Variants in BRDT observed in about 807,000 individuals in gnomAD.
The protein encoded by BRDT is bromodomain testis associated.
Under a neutral mutation model 113.9 loss-of-function variants are expected in BRDT, and 77 were observed. The ratio of observed to expected loss-of-function variants is 0.68; its 90% CI spans 0.56 to 0.82. BRDT has a LOEUF of 0.82. Among genes scored for constraint, BRDT ranks in the 40% least tolerant of loss-of-function variants. The pLI, the probability that BRDT is intolerant of heterozygous loss-of-function variation, is 0.00. For synonymous variants in BRDT, 358 were observed against 366.5 expected (o/e 0.98, Z 0.26); for missense variants, 1,027 against 1,105.4 (o/e 0.93, Z 1.01).
chr1:91,972,124 A>G (rs1470488664), intron 4 of BRDT, among the ~76,000 whole-genome samples: 1 of 151,574 alleles, frequency 6.6e-6, no homozygotes, highest in Non-Finnish European at 1.5e-5. Flanking sequence ...TGTAGTCTTC[A>G]TGCTGCAAAA....
intron 1 of BRDT, among the ~76,000 whole-genome samples, chr1:91,954,059 C>G (rs989509617): frequency 2.0e-5 from 3 of 152,064 alleles, no homozygotes; most frequent in East Asian, 3.9e-4. Flanking sequence ...GCAACCTCCC[C>G]CTCCGGGATT....
intron 1 of BRDT, among the ~76,000 whole-genome samples, chr1:91,957,839 T>TTTTTTG (rs375423962): frequency 2.0e-5 from 3 of 152,018 alleles, no homozygotes; most frequent in East Asian, 1.9e-4. Flanking sequence ...TTTTTTGTTG[T>TTTTTTG]TTTTTGTTTT....
At chr1:91,984,115 C>T (rs1684979666) in intron 12 of BRDT, among the ~76,000 whole-genome samples, 1 of 152,200 alleles carries the variant, frequency 6.6e-6, no homozygotes, top group East Asian at 1.9e-4. Flanking sequence ...ACTGGAAAAA[C>T]ACTTTATATA....
intron 18 of BRDT, among the ~76,000 whole-genome samples, chr1:92,007,693 G>A (rs762772383): frequency 2.0e-5 from 3 of 151,962 alleles, no homozygotes; most frequent in Non-Finnish European, 2.9e-5. Flanking sequence ...TAACTTAATC[G>A]CAGTCTGCTT....
chr1:91,954,507 T>C (rs902834659), intron 1 of BRDT, among the ~76,000 whole-genome samples: 1 of 152,176 alleles, frequency 6.6e-6, no homozygotes, highest in Admixed American at 6.6e-5. Context: ...CTCAAACTCC[T>C]GGGCTCAAGT....
chr1:92,007,752 GTTAC>G (rs1365297821), intron 18 of BRDT, among the ~76,000 whole-genome samples: 1 of 152,154 alleles, frequency 6.6e-6, no homozygotes, highest in Admixed American at 6.6e-5. Flanking sequence ...CTTTACAACA[GTTAC>G]TTCCATTCCT....
chr1:91,974,689 G>A (rs1277794437), intron 4 of BRDT, among the ~76,000 whole-genome samples: 1 of 152,184 alleles, frequency 6.6e-6, no homozygotes, highest in Non-Finnish European at 1.5e-5. Context: ...TGGTGGGACT[G>A]TAAACTAGTT....
At chr1:91,962,020 C>T (rs928911918) in intron 1 of BRDT, among the ~76,000 whole-genome samples, 1 of 151,034 alleles carries the variant, frequency 6.6e-6, no homozygotes, top group South Asian at 2.1e-4. Context: ...TGGAGGGCGC[C>T]TGTAGTCCCA....
chr1:91,992,323 T>TA lies in BRDT; in HGVS notation c.2115+13dup. The TA allele has an allele frequency of 6.7e-7, 1 of 1,498,440 alleles. No homozygotes were observed. The allele number at this position is 1,498,440 out of a possible 1,614,324, so 92.8% of individuals were successfully genotyped here. On this transcript the variant is annotated intron_variant, in intron 14 of 18. Transcript: ENST00000399546. ...GAACAGGCGTCACACAGGTAATGCT[T>TA]AAAATGTGTTTTAAAGAACAGGGGA...
At chr1:91,961,399 G>T (rs1682426702) in intron 1 of BRDT, among the ~76,000 whole-genome samples, 2 of 152,134 alleles carry the variant, frequency 1.3e-5, no homozygotes, top group Non-Finnish European at 1.5e-5. Flanking sequence ...GGAGGCTGAG[G>T]TGTGTGGATC....
chr1:92,008,127 A>T (rs1687494421), intron 18 of BRDT, among the ~76,000 whole-genome samples: 1 of 152,148 alleles, frequency 6.6e-6, no homozygotes, highest in African/African-American at 2.4e-5. Context: ...CATGTTGGCC[A>T]GGCTAGTCTC....
rs565432087 is a variant in BRDT at position 91,981,599 on chromosome 1, A to C, written c.1865-19A>C. 8 of 1,607,692 alleles carry C rather than the reference A, an allele frequency of 5.0e-6. No individual in the cohort carries two copies. The highest frequency in any genetic ancestry group is 6.8e-6 in the Non-Finnish European group (8 of 1,177,182). On this transcript the variant is annotated intron_variant, in intron 11 of 18. Transcript: ENST00000399546. ...TATTTAATTCTTCTGGCATTTTAAT[A>C]TGTTTCTCTGTTTTGTAGCTGATAA...
At chr1:91,995,490 C>G (rs917730659) in intron 15 of BRDT, among the ~76,000 whole-genome samples, 3 of 151,650 alleles carry the variant, frequency 2.0e-5, no homozygotes, top group Non-Finnish European at 4.4e-5. Context: ...TGGAGTCTCG[C>G]TCTGTCTTGC....
chr1:91,959,073 A>G (rs764114128), intron 1 of BRDT, among the ~76,000 whole-genome samples: 1 of 152,166 alleles, frequency 6.6e-6, no homozygotes, highest in Non-Finnish European at 1.5e-5. Context: ...TGAAACCATG[A>G]GACTGCAGAA....
At chr1:91,999,418 G>A (rs1360416746) in intron 15 of BRDT, among the ~76,000 whole-genome samples, 1 of 152,022 alleles carries the variant, frequency 6.6e-6, no homozygotes, top group Non-Finnish European at 1.5e-5. Context: ...TACTTCCTAG[G>A]CTTTTATGAC....
At chr1:91,968,294 C>CTATCTA (rs759854716) in intron 4 of BRDT, 34 bp downstream of exon 4, 49 of 1,603,878 alleles carry the variant, frequency 3.1e-5, no homozygotes, top group Non-Finnish European at 3.9e-5. Context: ...ATGGTTCTCT[C>CTATCTA]TCTTTTTTTC....
At chr1:91,994,671 C>T in intron 15 of BRDT, among the ~76,000 whole-genome samples, 1 of 151,296 alleles carries the variant, frequency 6.6e-6, no homozygotes, top group Non-Finnish European at 1.5e-5. Flanking sequence ...TTGAGACCAT[C>T]CCGGCTAAAA....
chr1:92,012,124 AC>A (rs1687847204), intron 18 of BRDT, among the ~76,000 whole-genome samples: 1 of 152,018 alleles, frequency 6.6e-6, no homozygotes, highest in Non-Finnish European at 1.5e-5. Context: ...ACATGGTGAA[AC>A]CCCATCTCTA....
chr1:92,000,604 A>G (rs2101789955), intron 15 of BRDT, among the ~76,000 whole-genome samples: 1 of 152,328 alleles, frequency 6.6e-6, no homozygotes, highest in East Asian at 1.9e-4. Flanking sequence ...GCTTAAATGT[A>G]AGTCCCTATA....
Sources: allele counts gnomAD v4.1 joint callset (sites outside exome capture counted in the v4.1 genomes callset), GRCh38; gene constraint gnomAD v4.1.1; transcripts MANE v1.5; gene names NCBI Gene and HGNC (gene_info 2026-07-23, HGNC 2026-07-21).